DPP6: variants seen among roughly 807,000 people sequenced by gnomAD.
The protein encoded by DPP6 is dipeptidyl peptidase like 6, also known as A-type potassium channel modulatory protein DPP6.
A neutral mutation model predicts 122.6 loss-of-function variants in DPP6; 69 were observed. The ratio of observed to expected loss-of-function variants is 0.56; its 90% CI spans 0.46 to 0.69. DPP6 has a LOEUF of 0.69. Ranked by LOEUF, DPP6 falls within the 30% of genes least tolerant of loss-of-function variation. The pLI, the probability that DPP6 is intolerant of heterozygous loss-of-function variation, is 0.00. For synonymous variants in DPP6, 418 were observed against 433.1 expected, an observed-to-expected ratio of 0.97 and a Z score of 0.43; for missense variants, 928 against 1,116.9, an observed-to-expected ratio of 0.83 and a Z score of 2.41.
chr7:154,303,810 A>G (rs543329504), intron 1 of DPP6, among the ~76,000 whole-genome samples: 11 of 152,308 alleles, frequency 7.2e-5, no homozygotes, highest in African/African-American at 2.4e-4. Flanking sequence ...AGTTCAGGCC[A>G]TGGTAGAGGT....
chr7:153,884,344 C>T (rs1304099387), upstream of DPP6, among the ~76,000 whole-genome samples: 1 of 152,192 alleles, frequency 6.6e-6, no homozygotes, highest in Non-Finnish European at 1.5e-5. Flanking sequence ...ATGAACTCAT[C>T]GTTTTTTATG....
At chr7:154,532,868 C>T (rs968347008) in intron 3 of DPP6, among the ~76,000 whole-genome samples, 4 of 152,136 alleles carry the variant, frequency 2.6e-5, no homozygotes, top group Non-Finnish European at 4.4e-5. Flanking sequence ...AAAGGTCTCT[C>T]TGCCCTTCCT....
chr7:154,362,724 C>T (rs1358569865), intron 1 of DPP6, among the ~76,000 whole-genome samples: 1 of 151,994 alleles, frequency 6.6e-6, no homozygotes, highest in African/African-American at 2.4e-5. Flanking sequence ...CATGCCTGGC[C>T]GCAATAGAGT....
chr7:153,838,514 C>A, the DPP6 span, among the ~76,000 whole-genome samples: 4 of 151,948 alleles, frequency 2.6e-5, no homozygotes, highest in African/African-American at 7.3e-5. Context: ...GTTGAAACAG[C>A]AAGGTGAAGA....
Position 154,417,564 on chromosome 7 carries a change from C to T in DPP6, c.244-28650C>T, listed in dbSNP as rs7793478. On this transcript the variant is annotated intron_variant, in intron 1 of 25. Transcript: ENST00000377770. Reference sequence around the variant, plus strand: ...TGGGTTTTTCCCTCCCCACCTCCCACCCCGCTCCCAGAAGCGAAGAGATGG... The same window carrying T: ...TGGGTTTTTCCCTCCCCACCTCCCATCCCGCTCCCAGAAGCGAAGAGATGG... Among the ~76,000 whole-genome samples the T allele has an allele frequency of 6.0e-3, 921 of 152,286 alleles. 10 individuals are homozygous for T. Among genetic ancestry groups the T allele is most frequent in the African/African-American group, 0.02 (843 of 41,550 alleles).
chr7:154,422,260 G>A (rs893488462), intron 1 of DPP6, among the ~76,000 whole-genome samples: 13 of 152,176 alleles, frequency 8.5e-5, no homozygotes, highest in African/African-American at 2.2e-4. Flanking sequence ...GTCTGCAGAG[G>A]TCACTCTTCC....
intron 5 of DPP6, among the ~76,000 whole-genome samples, chr7:154,585,319 A>T (rs1832367566): frequency 6.6e-6 from 1 of 152,234 alleles, no homozygotes; most frequent in Non-Finnish European, 1.5e-5. Context: ...ACTATGGAAG[A>T]TGTGCTTACT....
chr7:154,593,373 G>C (rs1388267056), intron 5 of DPP6, among the ~76,000 whole-genome samples: 1 of 152,198 alleles, frequency 6.6e-6, no homozygotes, highest in Non-Finnish European at 1.5e-5. Flanking sequence ...GGATCACAGA[G>C]AGCTTACTTT....
At chr7:154,866,998 T>TC (rs1222596514) in intron 17 of DPP6, among the ~76,000 whole-genome samples, 1 of 151,804 alleles carries the variant, frequency 6.6e-6, no homozygotes, top group African/African-American at 2.4e-5. Context: ...TTTTTTTTTT[T>TC]CAAGGGAGTT....
intron 5 of DPP6, among the ~76,000 whole-genome samples, chr7:154,596,905 ATAT>A (rs1478184834): frequency 1.0e-5 from 1 of 96,904 alleles, no homozygotes; most frequent in Non-Finnish European, 2.0e-5. Flanking sequence ...AAATTTTAAA[ATAT>A]GAGGTAGAAA....
chr7:154,060,187 C>A (rs371543704), intron 1 of DPP6, among the ~76,000 whole-genome samples: 3 of 142,596 alleles, frequency 2.1e-5, no homozygotes, highest in Non-Finnish European at 3.1e-5. Context: ...GCACCCCTCA[C>A]GACACGGGGA....
At chr7:153,868,008 A>G in the DPP6 span, among the ~76,000 whole-genome samples, 1 of 152,144 alleles carries the variant, frequency 6.6e-6, no homozygotes, top group African/African-American at 2.4e-5. Flanking sequence ...AGCCGACTTG[A>G]TCATGGTGGA....
At chr7:153,797,771 T>C in the DPP6 span, among the ~76,000 whole-genome samples, 1 of 152,170 alleles carries the variant, frequency 6.6e-6, no homozygotes, top group Non-Finnish European at 1.5e-5. Flanking sequence ...TCCTGGCTTA[T>C]AGGCGGCCAC....
intron 16 of DPP6, among the ~76,000 whole-genome samples, chr7:154,845,933 A>G (rs1033938991): frequency 1.3e-5 from 2 of 152,158 alleles, no homozygotes; most frequent in African/African-American, 4.8e-5. Context: ...CTGTGGAGAT[A>G]CAGACTCATC....
At chr7:154,819,561 C>A (rs1249638443) in intron 16 of DPP6, among the ~76,000 whole-genome samples, 1 of 152,232 alleles carries the variant, frequency 6.6e-6, no homozygotes, top group African/African-American at 2.4e-5. Flanking sequence ...AGATTTCCCA[C>A]TAGCCAGTTC....
the DPP6 span, among the ~76,000 whole-genome samples, chr7:153,829,849 T>TG: frequency 6.6e-6 from 1 of 152,206 alleles, no homozygotes; most frequent in South Asian, 2.1e-4. Context: ...ACTCTTTACC[T>TG]GCAACCTTAG....
At chr7:154,602,752 T>C (rs1339213129) in intron 5 of DPP6, among the ~76,000 whole-genome samples, 1 of 31,338 alleles carries the variant, frequency 3.2e-5, no homozygotes, top group Non-Finnish European at 1.9e-4. Flanking sequence ...TCTTAATCCT[T>C]TTTTTTTTTT....
chr7:154,392,005 G>A (rs989010697), intron 1 of DPP6, among the ~76,000 whole-genome samples: 4 of 152,128 alleles, frequency 2.6e-5, no homozygotes, highest in African/African-American at 7.2e-5. Flanking sequence ...CGGGCGCGGC[G>A]GCTCACACCT....
intron 1 of DPP6, among the ~76,000 whole-genome samples, chr7:153,980,014 G>A (rs12533135): frequency 0.056 from 8,582 of 152,136 alleles, 268 homozygotes; most frequent in South Asian, 0.075. Context: ...TTCTTTTTTA[G>A]TTGTGTCTCT....
Sources: gnomAD v4.1 joint callset for allele counts (sites outside exome capture counted in the v4.1 genomes callset) on GRCh38, gnomAD v4.1.1 for gene constraint, MANE v1.5 for transcripts, NCBI Gene and HGNC (gene_info 2026-07-23, HGNC 2026-07-21) for gene names.